The following CHD7 variants were observed in gnomAD, a reference collection of about 807,000 sequenced individuals.
The protein encoded by CHD7 is chromodomain helicase DNA binding protein 7.
Under a neutral mutation model 307.3 loss-of-function variants are expected in CHD7, and 24 were observed. That is an observed-to-expected ratio of 0.08 (90% CI 0.06 to 0.11). The LOEUF (loss-of-function observed/expected upper bound fraction) is 0.11. CHD7 is among the 10% of genes least tolerant of loss of function. CHD7 has a pLI of 1.00. For missense variants in CHD7, 3,106 were observed against 3,727.1 expected (o/e 0.83, Z 4.34); for synonymous variants, 1,363 against 1,349.9 (o/e 1.01, Z -0.21).
intron 8 of CHD7, 26 bp downstream of exon 8, chr8:60,816,527 A>T: frequency 7.8e-7 from 1 of 1,284,844 alleles, no homozygotes. Flanking sequence ...TTACTTTTCC[A>T]AAGTATTTAC....
At chr8:60,694,462 G>A (rs552680765) in intron 1 of CHD7, among the ~76,000 whole-genome samples, 2 of 152,342 alleles carry the variant, frequency 1.3e-5, no homozygotes, top group African/African-American at 2.4e-5. Flanking sequence ...GTGATGTGTT[G>A]TAGTCATTGT....
chr8:60,717,507 T>C (rs1807670962), intron 1 of CHD7, among the ~76,000 whole-genome samples: 1 of 152,228 alleles, frequency 6.6e-6, no homozygotes, highest in Non-Finnish European at 1.5e-5. Context: ...ACTGTTACTT[T>C]CCTTTTGGTC....
intron 1 of CHD7, among the ~76,000 whole-genome samples, chr8:60,739,401 T>C (rs1808876650): frequency 6.6e-6 from 1 of 152,096 alleles, no homozygotes; most frequent in African/African-American, 2.4e-5. Flanking sequence ...TTCTTAGGAG[T>C]GTATTTAAGA....
Position 60,742,893 on chromosome 8 carries a change from C to T in CHD7, c.1461C>T (p.Asp487=). 1 of 1,612,306 alleles carries T rather than the reference C, an allele frequency of 6.2e-7. No individual in the cohort carries two copies. The highest frequency in any genetic ancestry group is 8.5e-7 in the Non-Finnish European group (1 of 1,179,056). ...GTTGTCCTGGTGTTGGCCTTGGAGA[C>T]CCACAAGCAATCCAGGAACGACTGA... ...PNGCPGVGLG[D]PQAIQERLIP... The change falls in exon 2 of 38, where the codon GAC becomes GAT. Residue 487 remains aspartate (D), a synonymous_variant. Coordinates refer to ENST00000423902, the MANE Select transcript of CHD7 (RefSeq NM_017780.4).
At chr8:60,845,953 G>A (rs979638012) in intron 23 of CHD7, among the ~76,000 whole-genome samples, 6 of 152,038 alleles carry the variant, frequency 3.9e-5, no homozygotes, top group Non-Finnish European at 8.8e-5. Context: ...ATCTCCTAGG[G>A]GAATCACAGA....
intron 2 of CHD7, among the ~76,000 whole-genome samples, chr8:60,751,841 G>A (rs564031849): frequency 7.7e-4 from 118 of 152,302 alleles, no homozygotes; most frequent in African/African-American, 2.7e-3. Flanking sequence ...GAAATTGACA[G>A]CGTTGCATTT....
intron 8 of CHD7, among the ~76,000 whole-genome samples, chr8:60,818,514 C>A (rs4237037): frequency 0.8 from 121,581 of 152,250 alleles, 48,688 homozygotes; most frequent in East Asian, 0.94. Flanking sequence ...TGTTTACCTA[C>A]GTCTAGAAGC....
intron 34 of CHD7, among the ~76,000 whole-genome samples, chr8:60,860,051 G>T (rs1161026921): frequency 6.6e-6 from 1 of 152,142 alleles, no homozygotes; most frequent in Non-Finnish European, 1.5e-5. Flanking sequence ...AGAGCTGTGG[G>T]GAAGGAGAAA....
intron 1 of CHD7, among the ~76,000 whole-genome samples, chr8:60,697,945 CA>C (rs1195531392): frequency 2.0e-5 from 3 of 152,130 alleles, no homozygotes; most frequent in Non-Finnish European, 2.9e-5. Flanking sequence ...GCTACTGGAC[CA>C]AATGTAAACA....
rs536539180 is a variant in CHD7, at chr8:60,719,962, C to T, written c.-174-21297C>T. On this transcript the variant is annotated intron_variant, in intron 1 of 37. Coordinates refer to ENST00000423902, the MANE Select transcript of CHD7 (RefSeq NM_017780.4). ...CAAAATATTCAAGCCATAAAACATGCATGAAGTAGGAAGTGAAAGCCCCCA... is the reference window on the plus strand; with the variant it reads ...CAAAATATTCAAGCCATAAAACATGTATGAAGTAGGAAGTGAAAGCCCCCA... Among the ~76,000 whole-genome samples the T allele has an allele frequency of 2.0e-5, 3 of 152,318 alleles. No homozygotes were observed. In the South Asian group the frequency reaches 6.2e-4, roughly 32 times the overall value.
chr8:60,680,873 C>T (rs573085110), intron 1 of CHD7, among the ~76,000 whole-genome samples: 1 of 152,196 alleles, frequency 6.6e-6, no homozygotes, highest in Admixed American at 6.5e-5. Flanking sequence ...AATAACTTAT[C>T]TTAAAAAGTG....
chr8:60,856,791 A>G lies in CHD7; in HGVS notation c.7511A>G (p.Asp2504Gly). 1 of 1,610,430 alleles carries G rather than the reference A, an allele frequency of 6.2e-7. No homozygotes were observed. The highest frequency in any genetic ancestry group is 1.3e-5 in the African/African-American group (1 of 74,894). ...CATCTCCTTAATGGCTCCCTAGTGG[A>G]TGGAGAGCCTCCCATGAAGAGGAGG... ...TRHLLNGSLV[D>G]GEPPMKRRRG... Residue 2504 changes from aspartate (D) to glycine (G), a missense_variant, in exon 34 of 38, where the codon GAT (aspartate) becomes GGT (glycine). By Grantham distance (94) the Asp-to-Gly change is moderately conservative. Coordinates refer to ENST00000423902, the MANE Select transcript of CHD7 (RefSeq NM_017780.4).
At position 60,693,211 on chromosome 8, in the gene CHD7, A is replaced by G. The variant is rs115041706; in HGVS notation, c.-175+14129A>G. ...GACACCCCCTTGGCGGTCAGAGCGC[A>G]GTCCCAGGCCTGCTAGGTCATTATG... On this transcript the variant is annotated intron_variant, in intron 1 of 37. Coordinates refer to ENST00000423902, the MANE Select transcript of CHD7 (RefSeq NM_017780.4). Among the ~76,000 whole-genome samples the G allele has an allele frequency of 1.6e-3, 237 of 152,290 alleles. 3 individuals are homozygous for G. The highest frequency in any genetic ancestry group is 5.5e-3 in the African/African-American group (228 of 41,568).
chr8:60,772,099 A>G (rs1422268643), intron 2 of CHD7, among the ~76,000 whole-genome samples: 3 of 152,316 alleles, frequency 2.0e-5, no homozygotes, highest in Non-Finnish European at 2.9e-5. Context: ...GTGAGTTTTT[A>G]TAGGACAAGA....
chr8:60,805,680 A>G (rs1422830006), intron 6 of CHD7, among the ~76,000 whole-genome samples: 1 of 152,192 alleles, frequency 6.6e-6, no homozygotes, highest in Non-Finnish European at 1.5e-5. Flanking sequence ...GTTGGTGCCC[A>G]CTTAGAATTA....
At chr8:60,708,306 C>A (rs1306794802) in intron 1 of CHD7, among the ~76,000 whole-genome samples, 5 of 152,190 alleles carry the variant, frequency 3.3e-5, no homozygotes, top group African/African-American at 1.2e-4. Context: ...GCCATTTCAT[C>A]TCTGACTTTC....
intron 7 of CHD7, among the ~76,000 whole-genome samples, chr8:60,810,061 G>A (rs1426586799): frequency 2.0e-5 from 3 of 152,298 alleles, no homozygotes; most frequent in Admixed American, 6.5e-5. Flanking sequence ...ACTCTTTACT[G>A]TTGTAGTATT....
intron 3 of CHD7, among the ~76,000 whole-genome samples, chr8:60,783,352 A>G (rs1586320813): frequency 6.6e-6 from 1 of 152,326 alleles, no homozygotes; most frequent in South Asian, 2.1e-4. Context: ...AAGTTGGAGC[A>G]CCAAATCTAG....
rs897593328 is a variant in CHD7 at position 60,867,282 on chromosome 8, G to C, written c.*1349G>C. On this transcript the variant is annotated 3_prime_UTR_variant, in exon 38 of 38. Coordinates refer to ENST00000423902, the MANE Select transcript of CHD7 (RefSeq NM_017780.4). ...CACAATATCTAGGTCATTTATCCTT[G>C]GTTAATGGGTAGAAAAACACAATGC... The C allele has an allele frequency of 6.6e-6, 1 of 152,182 alleles. No individual in the cohort carries two copies. Among genetic ancestry groups the C allele is most frequent in the African/African-American group, 2.4e-5 (1 of 41,438 alleles). 9.4% of individuals were successfully genotyped at this position (152,182 alleles called of 1,614,324 possible). A position where few individuals can be genotyped will look rare whatever the true frequency, so the allele number is the denominator to read the frequency against.
Sources: gnomAD v4.1 joint callset for allele counts (sites outside exome capture counted in the v4.1 genomes callset) on GRCh38, gnomAD v4.1.1 for gene constraint, MANE v1.5 for transcripts, NCBI Gene and HGNC (gene_info 2026-07-23, HGNC 2026-07-21) for gene names.